HEATR3: variants seen among roughly 807,000 people sequenced by gnomAD.
The protein encoded by HEATR3 is HEAT repeat containing 3.
In HEATR3, 56 loss-of-function variants were observed where a neutral mutation model predicts 72.8. The ratio of observed to expected loss-of-function variants is 0.77; its 90% CI spans 0.62 to 0.96. HEATR3 has a LOEUF of 0.96. HEATR3 is among the 40% of genes least tolerant of loss of function. HEATR3 has a pLI of 0.00. For synonymous variants in HEATR3, 331 were observed against 318.1 expected (o/e 1.04, Z -0.43); for missense variants, 747 against 831.4 (o/e 0.90, Z 1.25).
chr16:50,086,329 A>G lies in HEATR3; in HGVS notation c.1488A>G (p.Ser496=). 1 of 1,601,268 alleles carries G rather than the reference A, an allele frequency of 6.2e-7. No homozygotes were observed. Among genetic ancestry groups the G allele is most frequent in the Non-Finnish European group, 8.5e-7 (1 of 1,173,848 alleles). ...TTCAGACGCTTGCACAGCATCTGTC[A>G]CAGCTGCTTTTTTCTCAACCAGGTA... ...AALQTLAQHL[S]QLLFSQPDFA... Residue 496 remains serine (S), a synonymous_variant, in exon 11 of 15, where the codon TCA becomes TCG. Transcript: ENST00000299192.
intron 10 of HEATR3, 130 bp downstream of exon 10, chr16:50,084,781 A>G (rs993269022): frequency 1.6e-6 from 1 of 636,986 alleles, no homozygotes. Flanking sequence ...TACCAGAAAA[A>G]TATGTGCCCA....
chr16:50,104,669 A>C (rs150112485), intron 14 of HEATR3, among the ~76,000 whole-genome samples: 18 of 152,210 alleles, frequency 1.2e-4, no homozygotes, highest in Admixed American at 1.0e-3. Flanking sequence ...TTCCCAATTC[A>C]TGGTTTACAT....
At chr16:50,082,610 AG>A (rs957632716) in intron 7 of HEATR3, among the ~76,000 whole-genome samples, 2 of 150,044 alleles carry the variant, frequency 1.3e-5, no homozygotes, top group African/African-American at 4.9e-5. Context: ...TAGAAGTTAC[AG>A]TTAAATTGTT....
rs1006282764 is a variant in HEATR3, at chr16:50,094,694, T to C, written c.1511-11T>C. 5 of 1,500,544 alleles carry C rather than the reference T, an allele frequency of 3.3e-6. No individual in the cohort carries two copies. The highest frequency in any genetic ancestry group is 4.5e-6 in the Non-Finnish European group (5 of 1,117,982). 93.0% of individuals were successfully genotyped at this position (1,500,544 alleles called of 1,614,324 possible). A position where few individuals can be genotyped will look rare whatever the true frequency, so the allele number is the denominator to read the frequency against. Reference sequence around the variant, plus strand: ...GAAATGCAAATTTTATATTTCATTTTTGTGTTTTAGATTTTGCTAAACATG... The same window carrying C: ...GAAATGCAAATTTTATATTTCATTTCTGTGTTTTAGATTTTGCTAAACATG... On this transcript the variant is annotated splice_polypyrimidine_tract_variant and intron_variant, in intron 11 of 14. Coordinates refer to ENST00000299192, the MANE Select transcript of HEATR3 (RefSeq NM_182922.4).
At position 50,102,926 on chromosome 16, in the gene HEATR3, A is replaced by G. The variant is rs780896129; in HGVS notation, c.1920+491A>G. Among the ~76,000 whole-genome samples the G allele has an allele frequency of 7.2e-5, 11 of 151,920 alleles. No homozygotes were observed. The South Asian group carries it at 1.9e-3, about 26-fold the overall frequency. On this transcript the variant is annotated intron_variant, in intron 14 of 14. Transcript: ENST00000299192. ...TACAGGTGTCCACCACATCACCCAA[A>G]TAATTTTTGTATTTTTAGTAGAAAC... is the stretch of plus-strand genomic sequence containing the variant.
intron 13 of HEATR3, chr16:50,100,645 G>T: frequency 2.6e-6 from 1 of 388,164 alleles, no homozygotes; most frequent in Non-Finnish European, 4.6e-6. Flanking sequence ...TAGTGAAAGG[G>T]CAAATTCAGA....
At chr16:50,091,473 A>G (rs1343532563) in intron 11 of HEATR3, among the ~76,000 whole-genome samples, 2 of 151,566 alleles carry the variant, frequency 1.3e-5, no homozygotes, top group Non-Finnish European at 2.9e-5. Flanking sequence ...TCTAAAAAAC[A>G]TAATAATAAT....
chr16:50,084,173 A>G lies in HEATR3; in HGVS notation c.1172A>G (p.Asp391Gly). 1 of 1,614,196 alleles carries G rather than the reference A, an allele frequency of 6.2e-7. No individual in the cohort carries two copies. Residue 391 changes from aspartate (D) to glycine (G), a missense_variant, in exon 9 of 15, where the codon GAT becomes GGT. By Grantham distance (94) the Asp-to-Gly change is moderately conservative (BLOSUM62 -1). Transcript: ENST00000299192. ...GAATGGGAAGAGCTTTCTAGCAGTG[A>G]TGAAAGTGACGCATTTATGGAGAAT... is the stretch of plus-strand genomic sequence containing the variant. ...DDEWEELSSSDESDAFMENSF... is the reference protein window; with the variant it reads ...DDEWEELSSSGESDAFMENSF...
Position 50,068,352 on chromosome 16 carries a change from C to T in HEATR3, c.312-428C>T, listed in dbSNP as rs182614473. Among the ~76,000 whole-genome samples the T allele has an allele frequency of 2.2e-3, 336 of 152,222 alleles. 4 individuals are homozygous for T. Among genetic ancestry groups the T allele is most frequent in the African/African-American group, 7.4e-3 (307 of 41,538 alleles). On this transcript the variant is annotated intron_variant, in intron 2 of 14. Transcript: ENST00000299192. ...AACGGGGTCTCCCGCTGTTCCTAGGCTGGTCTTGAATTCCTGAGCTCAATT... is the reference window on the plus strand; with the variant it reads ...AACGGGGTCTCCCGCTGTTCCTAGGTTGGTCTTGAATTCCTGAGCTCAATT...
At chr16:50,103,706 C>T (rs1206731063) in intron 14 of HEATR3, among the ~76,000 whole-genome samples, 1 of 152,176 alleles carries the variant, frequency 6.6e-6, no homozygotes, top group East Asian at 1.9e-4. Flanking sequence ...GAGGTGAGAT[C>T]AAACTCAGAT....
rs1232796162 is a variant in HEATR3 at position 50,075,594 on chromosome 16, G to A, written c.646G>A (p.Glu216Lys). 1.2e-6 allele frequency: 2 copies of A among 1,613,122 alleles called. No individual in the cohort carries two copies. Among genetic ancestry groups the A allele is most frequent in the Non-Finnish European group, 1.7e-6 (2 of 1,179,332 alleles). ...SVAYCLQTVT[E>K]DNPELLKSFS... ...AGCATATTGTTTGCAGACAGTGACT[G>A]AGGATAACCCAGAGCTGCTGAAGTC... Residue 216 changes from glutamate to lysine, a missense_variant, in exon 6 of 15, where the codon GAG (glutamate) becomes AAG (lysine). Glu to Lys is a moderately conservative substitution (Grantham distance 56). Coordinates refer to ENST00000299192, the MANE Select transcript of HEATR3 (RefSeq NM_182922.4).
At chr16:50,100,024 A>C (rs80166303) in intron 12 of HEATR3, among the ~76,000 whole-genome samples, 1 of 152,216 alleles carries the variant, frequency 6.6e-6, no homozygotes. Flanking sequence ...CAGTGCCGAC[A>C]TGAGCAGGGT....
intron 5 of HEATR3, chr16:50,074,808 C>G (rs1318873158): frequency 6.6e-6 from 1 of 151,702 alleles, no homozygotes; most frequent in East Asian, 2.0e-4. Context: ...AGGTGAAGCC[C>G]CATCTCTACT....
At position 50,105,006 on chromosome 16, in the gene HEATR3, A is replaced by G. The variant is rs2037451551; in HGVS notation, c.1988A>G (p.Asn663Ser). ...TGTGTTCTTGACAATGTGAAAATGA[A>G]TTTGCGAAGATTTATTGCTTATCAA... The part of the protein sequence containing the change: ...QLCVLDNVKM[N>S]LRRFIAYQET... The change falls in exon 15 of 15, where the codon AAT becomes AGT. Residue 663 changes from asparagine (N) to serine (S), a missense_variant. Physicochemically the swap from Asn to Ser is conservative, Grantham distance 46 (BLOSUM62 1). Around this residue, in one of 2 missense-constraint regions of HEATR3, gnomAD observed 586 missense variants for 708.8 expected, o/e 0.83. Coordinates refer to ENST00000299192, the MANE Select transcript of HEATR3 (RefSeq NM_182922.4). 4.3e-6 allele frequency: 7 copies of G among 1,613,178 alleles called. No individual in the cohort carries two copies. The highest frequency in any genetic ancestry group is 5.9e-6 in the Non-Finnish European group (7 of 1,179,652).
intron 2 of HEATR3, among the ~76,000 whole-genome samples, chr16:50,067,835 G>A (rs1355540138): frequency 2.6e-5 from 4 of 152,318 alleles, no homozygotes; most frequent in Non-Finnish European, 4.4e-5. Context: ...TGGGCATGGG[G>A]TAATGAGCAA....
intron 5 of HEATR3, chr16:50,073,366 G>C (rs1439451576): frequency 6.6e-6 from 1 of 152,302 alleles, no homozygotes; most frequent in East Asian, 1.9e-4. Context: ...ACAATTGAGG[G>C]AGAGCATTTC....
intron 9 of HEATR3, 48 bp from the exon 10 acceptor site, chr16:50,084,521 T>A (rs774351464): frequency 3.0e-6 from 4 of 1,352,336 alleles, no homozygotes; most frequent in Non-Finnish European, 4.2e-6. Context: ...GGAATCGTGT[T>A]AAATGACTAC....
intron 12 of HEATR3, among the ~76,000 whole-genome samples, chr16:50,100,006 T>A (rs755453814): frequency 6.6e-6 from 1 of 152,148 alleles, no homozygotes; most frequent in Non-Finnish European, 1.5e-5. Flanking sequence ...CCCTTTGATA[T>A]TAGATAACAG....
intron 2 of HEATR3, among the ~76,000 whole-genome samples, chr16:50,067,780 A>G (rs2036531512): frequency 6.6e-6 from 1 of 152,202 alleles, no homozygotes; most frequent in Admixed American, 6.5e-5. Context: ...GATATAGCAA[A>G]TATGTATAAA....
Sources: gnomAD v4.1 joint callset for allele counts (sites outside exome capture counted in the v4.1 genomes callset) on GRCh38, gnomAD v4.1.1 for gene constraint, gnomAD v4.1.1 regional missense constraint, MANE v1.5 for transcripts, NCBI Gene and HGNC (gene_info 2026-07-23, HGNC 2026-07-21) for gene names.